Variants in MAP1LC3B observed in about 807,000 individuals in gnomAD.
MAP1LC3B encodes microtubule associated protein 1 light chain 3 beta.
Under a neutral mutation model 16.7 loss-of-function variants are expected in MAP1LC3B, and 12 were observed. The ratio of observed to expected loss-of-function variants is 0.72; its 90% CI spans 0.46 to 1.16. MAP1LC3B has a LOEUF of 1.16. Among genes scored for constraint, MAP1LC3B ranks in the 50% most tolerant of loss-of-function variants. MAP1LC3B has a pLI of 0.00. For missense variants in MAP1LC3B, 155 were observed against 159.5 expected, an observed-to-expected ratio of 0.97 and a Z score of 0.15; for synonymous variants, 63 against 56.5, an observed-to-expected ratio of 1.11 and a Z score of -0.51.
rs1212833521 is a variant in MAP1LC3B at position 87,392,411 on chromosome 16, G to A, written c.-17G>A. 2.1e-6 allele frequency: 3 copies of A among 1,426,182 alleles called. No individual in the cohort carries two copies. The highest frequency in any genetic ancestry group is 3.2e-5 in the Admixed American group (1 of 31,514). 88.3% of individuals were successfully genotyped at this position (1,426,182 alleles called of 1,614,324 possible). On this transcript the variant is annotated 5_prime_UTR_variant, in exon 1 of 4. Coordinates refer to ENST00000268607, the MANE Select transcript of MAP1LC3B (RefSeq NM_022818.5). The stretch of plus-strand genomic sequence containing the variant: ...CCCTCGCGTCGTCGCCGCCGCCGCC[G>A]CCCAGATCCCTGCACCATGCCGTCG...
intron 2 of MAP1LC3B, among the ~76,000 whole-genome samples, chr16:87,401,324 G>A (rs1907986375): frequency 6.6e-6 from 1 of 152,086 alleles, no homozygotes; most frequent in East Asian, 1.9e-4. Flanking sequence ...AGGATACATA[G>A]CCAAGTATCT....
At chr16:87,392,582 C>A (rs1416365669) in intron 1 of MAP1LC3B, 115 bp downstream of exon 1, 6 of 993,762 alleles carry the variant, frequency 6.0e-6, no homozygotes, top group Non-Finnish European at 7.6e-6. Flanking sequence ...CCGAGCGGGG[C>A]CGGTGGCTGC....
At chr16:87,402,334 C>T in intron 3 of MAP1LC3B, 53 bp downstream of exon 3, 1 of 1,487,344 alleles carries the variant, frequency 6.7e-7, no homozygotes. Context: ...ACTTCTTATT[C>T]TTTATGAAAC....
chr16:87,401,957 T>C (rs960971174), intron 2 of MAP1LC3B, among the ~76,000 whole-genome samples: 1 of 152,134 alleles, frequency 6.6e-6, no homozygotes, highest in African/African-American at 2.4e-5. Flanking sequence ...CTCAGCCTCC[T>C]GAGTAGCTGG....
rs1331921570 is a variant in MAP1LC3B at position 87,404,195 on chromosome 16, A to G, written c.*1098A>G. 3 of 152,224 alleles carry G rather than the reference A, an allele frequency of 2.0e-5. No homozygotes were observed. The East Asian group carries it at 5.8e-4, about 29-fold the overall frequency. The allele number at this position is 152,224 out of a possible 1,614,324, so 9.4% of individuals were successfully genotyped here. ...AAAGAGCCGTACGCTCTTTACAGAT[A>G]CTAATGTCAAGAGTTAAACCTCCTC... is the stretch of plus-strand genomic sequence containing the variant. On this transcript the variant is annotated 3_prime_UTR_variant, in exon 4 of 4. Transcript: ENST00000268607.
chr16:87,401,499 T>A (rs990873958), intron 2 of MAP1LC3B, among the ~76,000 whole-genome samples: 2 of 152,228 alleles, frequency 1.3e-5, no homozygotes, highest in Non-Finnish European at 2.9e-5. Context: ...AGTTAGACTG[T>A]AGGAGGCATT....
At chr16:87,392,579 G>C (rs1907624132) in intron 1 of MAP1LC3B, 112 bp downstream of exon 1, 1 of 1,056,648 alleles carries the variant, frequency 9.5e-7, no homozygotes, top group Admixed American at 4.7e-5. Context: ...AGGCCGAGCG[G>C]GGCCGGTGGC....
chr16:87,394,225 A>T lies in MAP1LC3B; in HGVS notation c.40+1758A>T, dbSNP rs147098992. Among the ~76,000 whole-genome samples the T allele has an allele frequency of 9.8e-4, 149 of 152,134 alleles. 1 individual carries two copies. In the East Asian group the frequency reaches 0.028, roughly 28 times the overall value. On this transcript the variant is annotated intron_variant, in intron 1 of 3. Coordinates refer to ENST00000268607, the MANE Select transcript of MAP1LC3B (RefSeq NM_022818.5). ...TCTCTTTAATAGTCACTTTGTAGAA[A>T]TGTGTCAAATATCTTAACAGCTGTT...
intron 2 of MAP1LC3B, chr16:87,400,272 G>A (rs534987435): frequency 6.6e-6 from 1 of 151,386 alleles, no homozygotes; most frequent in African/African-American, 2.4e-5. Context: ...CCACCTCCCG[G>A]GTTCACGCCA....
chr16:87,392,864 TG>T (rs1222401001), intron 1 of MAP1LC3B: 1 of 151,736 alleles, frequency 6.6e-6, no homozygotes, highest in Non-Finnish European at 1.5e-5. Context: ...GTCGCGCTTC[TG>T]GGGCCCAACA....
intron 1 of MAP1LC3B, among the ~76,000 whole-genome samples, chr16:87,396,439 C>T (rs932348105): frequency 3.3e-5 from 5 of 150,502 alleles, no homozygotes; most frequent in African/African-American, 1.2e-4. Flanking sequence ...CGCGCCACTG[C>T]ACTCCAGCCT....
At chr16:87,400,679 A>T (rs1336865882) in intron 2 of MAP1LC3B, among the ~76,000 whole-genome samples, 1 of 151,494 alleles carries the variant, frequency 6.6e-6, no homozygotes, top group African/African-American at 2.4e-5. Flanking sequence ...AGGAACTTAC[A>T]CATTTATTAA....
chr16:87,399,275 G>C (rs1226606317), intron 2 of MAP1LC3B: 1 of 268,156 alleles, frequency 3.7e-6, no homozygotes, highest in African/African-American at 2.2e-5. Flanking sequence ...ACCTCTCAAA[G>C]TGTTGGGATT....
chr16:87,399,820 C>T (rs1567500511), intron 2 of MAP1LC3B: 1 of 290,402 alleles, frequency 3.4e-6, no homozygotes, highest in East Asian at 9.5e-5. Flanking sequence ...GTCGCCCAGG[C>T]TGGAGTGTAG....
chr16:87,397,699 C>T lies in MAP1LC3B; in HGVS notation c.41-1116C>T, dbSNP rs182272310. On this transcript the variant is annotated intron_variant, in intron 1 of 3. Coordinates refer to ENST00000268607, the MANE Select transcript of MAP1LC3B (RefSeq NM_022818.5). ...AGAGTAACGTCATATTTATGTAGGT[C>T]ACACCATATTTTTTCTGTCTCAGGA... Among the ~76,000 whole-genome samples, 4 of 152,166 alleles carry T rather than the reference C, an allele frequency of 2.6e-5. No homozygotes were observed. The East Asian group carries it at 7.7e-4, about 29-fold the overall frequency.
Position 87,402,544 on chromosome 16 carries a change from A to G in MAP1LC3B, c.203+263A>G, listed in dbSNP as rs546715707. 56 of 553,702 alleles carry G rather than the reference A, an allele frequency of 1.0e-4. No homozygotes were observed. The South Asian group carries it at 1.4e-3, about 13-fold the overall frequency. 34.3% of individuals were successfully genotyped at this position (553,702 alleles called of 1,614,324 possible). A position where few individuals can be genotyped will look rare whatever the true frequency, so the allele number is the denominator to read the frequency against. ...GTTTAGATGTTTCCTGTTTAAAATC[A>G]GTGTTACAAGTTATTAAGGTATTGT... On this transcript the variant is annotated intron_variant, in intron 3 of 3. Coordinates refer to ENST00000268607, the MANE Select transcript of MAP1LC3B (RefSeq NM_022818.5).
At chr16:87,399,505 A>G in intron 2 of MAP1LC3B, 1 of 422,262 alleles carries the variant, frequency 2.4e-6, no homozygotes, top group South Asian at 1.7e-5. Flanking sequence ...GGTCTCACAC[A>G]ATAGAACAAT....
At chr16:87,399,114 C>G in intron 2 of MAP1LC3B, 1 of 504,792 alleles carries the variant, frequency 2.0e-6, no homozygotes, top group Admixed American at 3.5e-5. Context: ...TCAAGCAGTC[C>G]TCCCTCCTCA....
In MAP1LC3B at chr16:87,398,814, G is replaced by T. The variant is rs1169894869; in HGVS notation, c.41-1G>T. ...GCTTCTGTCTCTTCATTTCATTGCA[G>T]AACAAAGAGTAGAAGATGTCCGACT... On this transcript the variant is annotated splice_acceptor_variant, in intron 1 of 3. Coordinates refer to ENST00000268607, the MANE Select transcript of MAP1LC3B (RefSeq NM_022818.5). LOFTEE classifies it high-confidence loss of function. The T allele has an allele frequency of 6.2e-7, 1 of 1,614,092 alleles. No homozygotes were observed. Among genetic ancestry groups the T allele is most frequent in the South Asian group, 1.1e-5 (1 of 91,082 alleles).
Sources: allele counts gnomAD v4.1 joint callset (sites outside exome capture counted in the v4.1 genomes callset), GRCh38; gene constraint gnomAD v4.1.1; transcripts MANE v1.5; gene names NCBI Gene and HGNC (gene_info 2026-07-23, HGNC 2026-07-21).